Variants in KRT5 observed in about 807,000 individuals in gnomAD.
The protein encoded by KRT5 is keratin 5.
KRT5 carries 17 observed loss-of-function variants against 44.0 expected under a neutral mutation model. The ratio of observed to expected loss-of-function variants is 0.39; its 90% CI spans 0.26 to 0.58. KRT5 has a LOEUF of 0.58. KRT5 is among the 20% of genes least tolerant of loss of function. KRT5 has a pLI of 0.61. For synonymous variants in KRT5, 329 were observed against 312.8 expected, an observed-to-expected ratio of 1.05 and a Z score of -0.55; for missense variants, 737 against 785.5, an observed-to-expected ratio of 0.94 and a Z score of 0.74.
rs1455708813 is a variant in KRT5, at chr12:52,517,762, G to A, written c.928-8C>T. The A allele has an allele frequency of 1.9e-6, 3 of 1,614,214 alleles. No individual in the cohort carries two copies. Among genetic ancestry groups the A allele is most frequent in the Non-Finnish European group, 1.7e-6 (2 of 1,180,022 alleles). On this transcript the variant is annotated splice_polypyrimidine_tract_variant and splice_region_variant and intron_variant, in intron 4 of 8. Transcript: ENST00000252242. ...CTGCATCTGGGACAGCTCCTGCAGGGAGATTTGGAGTCGGTCATCTGGTTC... is the reference window on the plus strand; with the variant it reads ...CTGCATCTGGGACAGCTCCTGCAGGAAGATTTGGAGTCGGTCATCTGGTTC...
Position 52,520,131 on chromosome 12 carries a change from C to T in KRT5, c.166G>A (p.Gly56Arg). ...CTCCGGCTGCCATAGCCACCCACTC[C>T]ACAAGCACCCGCAAGGCTGACCCTG... ...FGRVSLAGAC[G>R]VGGYGSRSLY... is the part of the protein sequence containing the mutation. Residue 56 changes from glycine (G) to arginine (R), a missense_variant, in exon 1 of 9, where the codon GGA becomes AGA. Physicochemically the swap from Gly to Arg is moderately radical, Grantham distance 125 (BLOSUM62 -2). Coordinates refer to ENST00000252242, the MANE Select transcript of KRT5 (RefSeq NM_000424.4). 6.2e-7 allele frequency: 1 copy of T among 1,614,076 alleles called. No individual in the cohort carries two copies. The highest frequency in any genetic ancestry group is 8.5e-7 in the Non-Finnish European group (1 of 1,179,956).
chr12:52,516,839 C>G lies in KRT5; in HGVS notation c.1237G>C (p.Ala413Pro). ...CCACGCTGCTCGGCATCCGCAATGG[C>G]GTTCTGCAGATTGGCGCACTACAGA... ...VKKQCANLQN[A>P]IADAEQRGEL... Residue 413 changes from alanine to proline, a missense_variant, in exon 7 of 9, where the codon GCC becomes CCC. Coordinates refer to ENST00000252242, the MANE Select transcript of KRT5 (RefSeq NM_000424.4). 1 of 1,614,176 alleles carries G rather than the reference C, an allele frequency of 6.2e-7. No homozygotes were observed. The highest frequency in any genetic ancestry group is 8.5e-7 in the Non-Finnish European group (1 of 1,180,032).
chr12:52,519,491 C>T, intron 1 of KRT5: 2 of 624,486 alleles, frequency 3.2e-6, no homozygotes, highest in East Asian at 5.6e-5. Context: ...GCATGAAATT[C>T]ATCTCTCTGT....
At chr12:52,517,775 G>C (rs200170666) in intron 4 of KRT5, 21 bp from the exon 5 acceptor site, 12 of 1,613,810 alleles carry the variant, frequency 7.4e-6, no homozygotes, top group Middle Eastern at 3.3e-4. Flanking sequence ...ATTTGGAGTC[G>C]GTCATCTGGT....
chr12:52,515,442 G>T, intron 8 of KRT5: 1 of 704,828 alleles, frequency 1.4e-6, no homozygotes, highest in Non-Finnish European at 2.5e-6. Context: ...GTACTGAGAG[G>T]AGCTAGGTAC....
Position 52,515,155 on chromosome 12 carries a change from G to T in KRT5, c.1560C>A (p.Leu520=). The T allele has an allele frequency of 1.9e-6, 3 of 1,610,260 alleles. No homozygotes were observed. Among genetic ancestry groups the T allele is most frequent in the Non-Finnish European group, 1.7e-6 (2 of 1,178,630 alleles). ...TGCTACCTCCGGCAAGACCTCCACC[G>T]AGGCCGCCGCCAAGACCTCCACCGA... ...GGLGGGLGGG[L]GGGLAGGSSG... The change falls in exon 9 of 9, where the codon CTC becomes CTA. Residue 520 remains leucine (L), a synonymous_variant. Transcript: ENST00000252242.
At chr12:52,515,978 G>C in intron 7 of KRT5, 146 bp from the exon 8 acceptor site, 1 of 719,238 alleles carries the variant, frequency 1.4e-6, no homozygotes, top group Non-Finnish European at 2.5e-6. Flanking sequence ...TAAAGGAAGG[G>C]AGAACTCTCC....
intron 3 of KRT5, 27 bp from the exon 4 acceptor site, chr12:52,518,019 G>A: frequency 6.2e-7 from 1 of 1,609,892 alleles, no homozygotes; most frequent in Non-Finnish European, 8.5e-7. Flanking sequence ...GATTGGCACT[G>A]CACACACCGT....
chr12:52,517,023 G>GCAAAAGTAAAA, intron 6 of KRT5, 84 bp downstream of exon 6: 1 of 1,575,676 alleles, frequency 6.3e-7, no homozygotes, highest in Non-Finnish European at 8.7e-7. Context: ...CGTGTGTTTA[G>GCAAAAGTAAAA]CAAAAGTAAA....
intron 5 of KRT5, 53 bp from the exon 6 acceptor site, chr12:52,517,285 C>T: frequency 6.2e-7 from 1 of 1,609,262 alleles, no homozygotes; most frequent in Non-Finnish European, 8.5e-7. Context: ...ATGGGAAGAA[C>T]TTTCCCAAAG....
Position 52,519,759 on chromosome 12 carries a change from C to T in KRT5, c.538G>A (p.Ala180Thr). The stretch of plus-strand genomic sequence containing the variant: ...TAGCTCACCTTGTCGATGAAGGAGG[C>T]AAACTTATTGTTGAGGGTCTTGATC... ...EQIKTLNNKF[A>T]SFIDKVRFLE... Residue 180 changes from alanine (A) to threonine (T), a missense_variant, in exon 1 of 9, where the codon GCC becomes ACC. By Grantham distance (58) the Ala-to-Thr change is moderately conservative (BLOSUM62 0). Around this residue, in one of 5 missense-constraint regions of KRT5, gnomAD observed 326 missense variants for 333.1 expected, o/e 0.98. Coordinates refer to ENST00000252242, the MANE Select transcript of KRT5 (RefSeq NM_000424.4). 6.2e-7 allele frequency: 1 copy of T among 1,614,052 alleles called. No individual in the cohort carries two copies. Among genetic ancestry groups the T allele is most frequent in the South Asian group, 1.1e-5 (1 of 91,064 alleles).
At chr12:52,517,839 T>G in intron 4 of KRT5, 58 bp downstream of exon 4, 1 of 1,608,980 alleles carries the variant, frequency 6.2e-7, no homozygotes, top group South Asian at 1.1e-5. Context: ...CTCATTGTGA[T>G]ATGACAACTT....
chr12:52,517,695 G>A lies in KRT5; in HGVS notation c.987C>T (p.Asn329=), dbSNP rs59730172. ...TGCTATCCAGGTCCAGGTTGCGGTTGTTGTCCATGGAGAGGACCACTGAGG... is the reference window on the plus strand; with the variant it reads ...TGCTATCCAGGTCCAGGTTGCGGTTATTGTCCATGGAGAGGACCACTGAGG... ...SDTSVVLSMD[N]NRNLDLDSII... is the part of the protein sequence containing the mutation. Residue 329 remains asparagine, a synonymous_variant, in exon 5 of 9, where the codon AAC becomes AAT. Transcript: ENST00000252242. 1.2e-4 allele frequency: 190 copies of A among 1,614,098 alleles called. No individual in the cohort carries two copies. The highest frequency in any genetic ancestry group is 1.6e-4 in the Non-Finnish European group (183 of 1,180,034).
Position 52,516,692 on chromosome 12 carries a change from C to T in KRT5, c.1384G>A (p.Ala462Thr). 5 of 1,614,208 alleles carry T rather than the reference C, an allele frequency of 3.1e-6. No homozygotes were observed. The highest frequency in any genetic ancestry group is 2.5e-6 in the Non-Finnish European group (3 of 1,180,044). Reference sequence around the variant, plus strand: ...TAAGTGGCGATCTCCACGTCCAGGGCCAGCTTGGTGTTCATGAGCTCCTGG... The same window carrying T: ...TAAGTGGCGATCTCCACGTCCAGGGTCAGCTTGGTGTTCATGAGCTCCTGG... ...EYQELMNTKL[A>T]LDVEIATYRK... is the part of the protein sequence containing the mutation. The change falls in exon 7 of 9, where the codon GCC becomes ACC. Residue 462 changes from alanine to threonine, a missense_variant. Around this residue, in one of 5 missense-constraint regions of KRT5, gnomAD observed 344 missense variants for 351.6 expected, o/e 0.98. Transcript: ENST00000252242.
chr12:52,517,087 C>T lies in KRT5; in HGVS notation c.1218+20G>A. ...TTAGAACTCAGGCCCCTTCCTTGCC[C>T]TCTTTCAATCTCACCCTACCTGTTT... On this transcript the variant is annotated intron_variant, in intron 6 of 8. Coordinates refer to ENST00000252242, the MANE Select transcript of KRT5 (RefSeq NM_000424.4). 2 of 1,614,058 alleles carry T rather than the reference C, an allele frequency of 1.2e-6. No individual in the cohort carries two copies. The highest frequency in any genetic ancestry group is 2.7e-5 in the African/African-American group (2 of 75,028).
rs966149666 is a variant in KRT5 at position 52,518,098 on chromosome 12, C to T, written c.831+5G>A. 4.3e-6 allele frequency: 7 copies of T among 1,614,086 alleles called. No individual in the cohort carries two copies. The highest frequency in any genetic ancestry group is 2.2e-5 in the East Asian group (1 of 44,898). On this transcript the variant is annotated splice_donor_5th_base_variant and intron_variant, in intron 3 of 8. Coordinates refer to ENST00000252242, the MANE Select transcript of KRT5 (RefSeq NM_000424.4). Reference sequence around the variant, plus strand: ...GGCTGCTGGTTCTCTCCCACCCACACGCACCTTCTTCAGCATCACAAACTC... The same window carrying T: ...GGCTGCTGGTTCTCTCCCACCCACATGCACCTTCTTCAGCATCACAAACTC...
chr12:52,516,791 T>C lies in KRT5; in HGVS notation c.1285A>G (p.Arg429Gly). 6.2e-7 allele frequency: 1 copy of C among 1,614,218 alleles called. No individual in the cohort carries two copies. Among genetic ancestry groups the C allele is most frequent in the South Asian group, 1.1e-5 (1 of 91,080 alleles). The change falls in exon 7 of 9, where the codon AGG becomes GGG. Residue 429 changes from arginine (R) to glycine (G), a missense_variant. Transcript: ENST00000252242. ...TCCTCCAGCTCGGCCAGCTTGTTCC[T>C]GGCATCCTTGAGGGCCAGCTCCCCA... ...QRGELALKDA[R>G]NKLAELEEAL...
Position 52,519,859 on chromosome 12 carries a change from G to A in KRT5, c.438C>T (p.Asn146=). 1 of 1,613,834 alleles carries A rather than the reference G, an allele frequency of 6.2e-7. No homozygotes were observed. The highest frequency in any genetic ancestry group is 8.5e-7 in the Non-Finnish European group (1 of 1,179,980). Residue 146 remains asparagine, a synonymous_variant, in exon 1 of 9, where the codon AAC becomes AAT. Transcript: ENST00000252242. ...PPGGIQEVTV[N]QSLLTPLNLQ... ...GGTTGAGGGGAGTCAGGAGACTCTG[G>A]TTGACAGTGACCTCTTGGATACCTC...
intron 1 of KRT5, 59 bp downstream of exon 1, chr12:52,519,683 T>A: frequency 6.6e-7 from 1 of 1,515,104 alleles, no homozygotes; most frequent in South Asian, 1.1e-5. Context: ...TCCTTCTTTC[T>A]CTCTCTTTGG....
Sources: allele counts gnomAD v4.1 joint callset, GRCh38; gene constraint gnomAD v4.1.1; regional missense constraint gnomAD v4.1.1; transcripts MANE v1.5; gene names NCBI Gene and HGNC (gene_info 2026-07-23, HGNC 2026-07-21).